The following FOXP1 variants were observed in gnomAD, a reference collection of about 807,000 sequenced individuals.
FOXP1 encodes forkhead box P1, also known as forkhead box protein P1.
Under a neutral mutation model 98.2 loss-of-function variants are expected in FOXP1, and 15 were observed. That is an observed-to-expected ratio of 0.15 (90% CI 0.10 to 0.24). The LOEUF (loss-of-function observed/expected upper bound fraction) is 0.24, where lower values mean the gene tolerates loss of function less well. Ranked by LOEUF, FOXP1 falls within the 10% of genes least tolerant of loss-of-function variation. The probability of loss-of-function intolerance (pLI) is 1.00; values close to 1 mark genes in which losing one functional copy is unlikely to be tolerated. For missense variants in FOXP1, 633 were observed against 848.5 expected, an observed-to-expected ratio of 0.75 and a Z score of 3.15; for synonymous variants, 371 against 314.5, an observed-to-expected ratio of 1.18 and a Z score of -1.90.
chr3:71,151,953 C>A (rs1280388146), intron 6 of FOXP1, among the ~76,000 whole-genome samples: 2 of 152,156 alleles, frequency 1.3e-5, no homozygotes, highest in African/African-American at 2.4e-5. Context: ...TGGGCAGGAT[C>A]CATGAATGGG....
chr3:71,457,011 G>A (rs1213068606), intron 3 of FOXP1, among the ~76,000 whole-genome samples: 1 of 151,890 alleles, frequency 6.6e-6, no homozygotes, highest in African/African-American at 2.4e-5. Context: ...TATAAAGATG[G>A]GTATTGGAGA....
At chr3:71,452,055 A>G (rs1292202031) in intron 3 of FOXP1, among the ~76,000 whole-genome samples, 1 of 152,188 alleles carries the variant, frequency 6.6e-6, no homozygotes, top group East Asian at 1.9e-4. Flanking sequence ...TCTCTGTGAC[A>G]AAAGTCAGCG....
chr3:71,196,367 G>C (rs1338515423), intron 6 of FOXP1, among the ~76,000 whole-genome samples: 1 of 152,070 alleles, frequency 6.6e-6, no homozygotes, highest in Admixed American at 6.5e-5. Flanking sequence ...TATCACTGTT[G>C]TGTGTGTGGG....
intron 3 of FOXP1, among the ~76,000 whole-genome samples, chr3:71,443,457 C>T (rs1395918675): frequency 6.6e-6 from 1 of 152,258 alleles, no homozygotes; most frequent in East Asian, 1.9e-4. Context: ...CTAACCGTAA[C>T]TCTGGGTTCA....
intron 4 of FOXP1, among the ~76,000 whole-genome samples, chr3:71,314,687 G>C (rs1470986161): frequency 2.0e-5 from 3 of 151,920 alleles, no homozygotes; most frequent in Non-Finnish European, 4.4e-5. Flanking sequence ...GAGAATTGTA[G>C]GTATAAGATT....
chr3:71,110,859 C>T (rs1383479569), intron 7 of FOXP1, among the ~76,000 whole-genome samples: 1 of 152,192 alleles, frequency 6.6e-6, no homozygotes, highest in African/African-American at 2.4e-5. Context: ...TGACATGGGC[C>T]CTCAATGGCA....
intron 3 of FOXP1, among the ~76,000 whole-genome samples, chr3:71,389,361 G>A (rs952340347): frequency 1.3e-4 from 20 of 151,504 alleles, no homozygotes; most frequent in African/African-American, 4.6e-4. Context: ...TTTCATGAGC[G>A]ACACCTGCGT....
At chr3:71,444,767 C>T (rs928159787) in intron 3 of FOXP1, among the ~76,000 whole-genome samples, 1 of 152,136 alleles carries the variant, frequency 6.6e-6, no homozygotes, top group Non-Finnish European at 1.5e-5. Flanking sequence ...TTCCCTACAT[C>T]AGATAAGAAG....
intron 2 of FOXP1, among the ~76,000 whole-genome samples, chr3:71,549,183 A>T (rs182388112): frequency 4.5e-4 from 68 of 152,266 alleles, no homozygotes; most frequent in Non-Finnish European, 7.9e-4. Context: ...ATGCAACTCA[A>T]CTCTTAGCAA....
intron 2 of FOXP1, among the ~76,000 whole-genome samples, chr3:71,497,826 G>A (rs757137789): frequency 5.9e-5 from 9 of 152,162 alleles, no homozygotes; most frequent in Admixed American, 3.9e-4. Context: ...TGGCCCAGGA[G>A]GTCAGCAGTA....
intron 7 of FOXP1, among the ~76,000 whole-genome samples, chr3:71,077,748 G>A (rs779902132): frequency 4.6e-5 from 7 of 151,912 alleles, no homozygotes; most frequent in African/African-American, 4.8e-5. Flanking sequence ...ATAAACCAAC[G>A]AATGAATGTT....
chr3:71,348,544 T>C (rs78101305), intron 4 of FOXP1, among the ~76,000 whole-genome samples: 51,227 of 126,762 alleles, frequency 0.4, 10,544 homozygotes, highest in East Asian at 0.56. Context: ...TGTGTGTGTG[T>C]GTGTGCGTGC....
intron 2 of FOXP1, among the ~76,000 whole-genome samples, chr3:71,579,910 C>A (rs1345928869): frequency 2.0e-5 from 3 of 152,074 alleles, no homozygotes. Flanking sequence ...ACTCGGCATC[C>A]ATAAGGAACT....
rs1262875776 is a variant in FOXP1, at chr3:71,328,982, AAAAAAAAC to A, written c.-72-29110_-72-29103del. Among the ~76,000 whole-genome samples the A allele has an allele frequency of 2.3e-5, 3 of 130,890 alleles. 1 individual carries two copies. The highest frequency in any genetic ancestry group is 5.1e-5 in the African/African-American group (2 of 38,890). The allele number at this position is 130,890 out of a possible 152,430, so 85.9% of individuals were successfully genotyped here. A position where few individuals can be genotyped will look rare whatever the true frequency, so the allele number is the denominator to read the frequency against. On this transcript the variant is annotated intron_variant, in intron 4 of 20. Transcript: ENST00000649528. Reference sequence around the variant, plus strand: ...GCGAAACTCCATCTCGCTAAAAAAAAAAAAAAACAAAAAAAAAAAAACTGACAGTTTCA... The same window carrying A: ...GCGAAACTCCATCTCGCTAAAAAAAAAAAAAAAAAAAAACTGACAGTTTCA...
chr3:71,260,688 G>A (rs1040860704), intron 5 of FOXP1, among the ~76,000 whole-genome samples: 8 of 151,808 alleles, frequency 5.3e-5, no homozygotes, highest in South Asian at 4.2e-4. Context: ...GACTACAGGC[G>A]CACGTCACCA....
At chr3:71,036,504 G>A (rs888765975) in intron 11 of FOXP1, among the ~76,000 whole-genome samples, 1 of 152,160 alleles carries the variant, frequency 6.6e-6, no homozygotes, top group Non-Finnish European at 1.5e-5. Flanking sequence ...TCTAATGATG[G>A]TGGCTGAACT....
At chr3:71,302,094 C>T (rs907607593) in intron 4 of FOXP1, among the ~76,000 whole-genome samples, 4 of 152,170 alleles carry the variant, frequency 2.6e-5, no homozygotes, top group Admixed American at 6.5e-5. Context: ...TGCACATGCA[C>T]GATTGGCCAC....
At chr3:71,120,323 C>A (rs754316159) in intron 6 of FOXP1, among the ~76,000 whole-genome samples, 2 of 152,180 alleles carry the variant, frequency 1.3e-5, no homozygotes, top group Non-Finnish European at 2.9e-5. Context: ...CTGGGATATA[C>A]TGAATTTGAA....
At chr3:71,525,586 G>A (rs1349248237) in intron 2 of FOXP1, among the ~76,000 whole-genome samples, 1 of 152,184 alleles carries the variant, frequency 6.6e-6, no homozygotes, top group Non-Finnish European at 1.5e-5. Context: ...GGTCTGCACA[G>A]GGTTGTGAAA....
Sources: gnomAD v4.1 joint callset for allele counts (sites outside exome capture counted in the v4.1 genomes callset) on GRCh38, gnomAD v4.1.1 for gene constraint, MANE v1.5 for transcripts, NCBI Gene and HGNC (gene_info 2026-07-23, HGNC 2026-07-21) for gene names.